Variants in DAW1 observed in about 807,000 individuals in gnomAD.
DAW1 encodes the protein dynein assembly factor with WD repeat domains 1.
A neutral mutation model predicts 56.5 loss-of-function variants in DAW1; 47 were observed. The observed-to-expected ratio is 0.83, with a 90% CI of 0.66 to 1.06. The LOEUF (loss-of-function observed/expected upper bound fraction) is 1.06. Among genes scored for constraint, DAW1 ranks in the 50% least tolerant of loss-of-function variants. The probability of loss-of-function intolerance (pLI) is 0.00; values close to 1 mark genes in which losing one functional copy is unlikely to be tolerated. For synonymous variants in DAW1, 190 were observed against 179.0 expected (o/e 1.06, Z -0.49); for missense variants, 505 against 499.3 (o/e 1.01, Z -0.11).
chr2:227,909,950 C>T (rs1219261408), intron 10 of DAW1, among the ~76,000 whole-genome samples: 2 of 152,138 alleles, frequency 1.3e-5, no homozygotes, highest in Non-Finnish European at 2.9e-5. Context: ...TAAAATTAAC[C>T]ATCACAATGC....
At chr2:227,896,100 T>C (rs766090639) in intron 5 of DAW1, among the ~76,000 whole-genome samples, 7 of 152,236 alleles carry the variant, frequency 4.6e-5, no homozygotes, top group Non-Finnish European at 1.0e-4. Flanking sequence ...CCAACTTAAA[T>C]TGGTACATTA....
At chr2:227,903,294 G>A (rs1691593953) in intron 7 of DAW1, among the ~76,000 whole-genome samples, 185 bp downstream of exon 7, 1 of 152,124 alleles carries the variant, frequency 6.6e-6, no homozygotes, top group Non-Finnish European at 1.5e-5. Context: ...GGAAGTCCAA[G>A]GAGCTTTTTA....
rs561002041 is a variant in DAW1, at chr2:227,900,662, A to G, written c.541-2340A>G. Among the ~76,000 whole-genome samples the G allele has an allele frequency of 2.6e-4, 40 of 152,310 alleles. No individual in the cohort carries two copies. In the South Asian group the frequency reaches 7.9e-3, roughly 30 times the overall value. On this transcript the variant is annotated intron_variant, in intron 6 of 12. Coordinates refer to ENST00000309931, the MANE Select transcript of DAW1 (RefSeq NM_178821.3). ...GGAAAATGCTGAGAAGAGGCATGCA[A>G]CAGTGATGTGTGCCTGAAACTCAGG...
chr2:227,910,209 C>T (rs537925979), intron 10 of DAW1, among the ~76,000 whole-genome samples: 46 of 151,988 alleles, frequency 3.0e-4, no homozygotes, highest in East Asian at 3.9e-4. Flanking sequence ...TTCAACACTT[C>T]GGGAGGCCAA....
At chr2:227,897,528 G>A (rs1204060623) in intron 5 of DAW1, among the ~76,000 whole-genome samples, 3 of 152,174 alleles carry the variant, frequency 2.0e-5, no homozygotes, top group Non-Finnish European at 4.4e-5. Context: ...GTAAGCCAGG[G>A]TTAAAAGAAA....
chr2:227,894,090 C>T (rs1691349290), intron 5 of DAW1, among the ~76,000 whole-genome samples, 173 bp downstream of exon 5: 1 of 152,034 alleles, frequency 6.6e-6, no homozygotes, highest in Non-Finnish European at 1.5e-5. Flanking sequence ...GGTTAGCTAT[C>T]ACTATCCGCA....
At position 227,904,885 on chromosome 2, in the gene DAW1, G is replaced by T. The variant is rs749483773; in HGVS notation, c.649-44G>T. The stretch of plus-strand genomic sequence containing the variant: ...ATGATATTGTACGCTTGCAGAAATT[G>T]TTTTATCTGCAGGTATACTTGACAG... On this transcript the variant is annotated intron_variant, in intron 7 of 12. Transcript: ENST00000309931. 5.6e-5 allele frequency: 86 copies of T among 1,523,914 alleles called. 2 individuals carry two copies. The South Asian group carries it at 7.9e-4, about 14-fold the overall frequency. The allele number at this position is 1,523,914 out of a possible 1,614,324, so 94.4% of individuals were successfully genotyped here. A position where few individuals can be genotyped will look rare whatever the true frequency, so the allele number is the denominator to read the frequency against.
chr2:227,894,070 A>G (rs776647625), intron 5 of DAW1, among the ~76,000 whole-genome samples, 153 bp downstream of exon 5: 6 of 152,040 alleles, frequency 3.9e-5, no homozygotes, highest in Non-Finnish European at 7.4e-5. Context: ...AAAGCTTAAA[A>G]GGGTCTTTGG....
chr2:227,901,418 G>A (rs1358928807), intron 6 of DAW1, among the ~76,000 whole-genome samples: 2 of 152,182 alleles, frequency 1.3e-5, no homozygotes, highest in East Asian at 1.9e-4. Flanking sequence ...CTGGAACTGA[G>A]CAGTGAGGTC....
At chr2:227,906,450 T>A in intron 9 of DAW1, 112 bp downstream of exon 9, 1 of 783,452 alleles carries the variant, frequency 1.3e-6, no homozygotes. Context: ...ATTAAGATAT[T>A]AATTTACAAA....
At position 227,922,722 on chromosome 2, in the gene DAW1, C is replaced by T. The variant is rs777876608; in HGVS notation, c.1213+1161C>T. ...CCTCCCCAGTCTACTTAATGATGGA[C>T]AGTTTCCGAAATCACAGGGCTTACG... is the stretch of plus-strand genomic sequence containing the variant. On this transcript the variant is annotated intron_variant, in intron 12 of 12. Coordinates refer to ENST00000309931, the MANE Select transcript of DAW1 (RefSeq NM_178821.3). Among the ~76,000 whole-genome samples the T allele has an allele frequency of 2.6e-5, 4 of 152,172 alleles. No individual in the cohort carries two copies. The East Asian group carries it at 7.7e-4, about 29-fold the overall frequency.
At chr2:227,921,343 A>G (rs1692104671) in intron 11 of DAW1, 56 bp from the exon 12 acceptor site, 2 of 457,762 alleles carry the variant, frequency 4.4e-6, no homozygotes, top group East Asian at 5.8e-5. Flanking sequence ...TGCTGATAAG[A>G]AATGTTTTGG....
chr2:227,923,710 G>A (rs1692160191), intron 12 of DAW1, among the ~76,000 whole-genome samples: 1 of 151,770 alleles, frequency 6.6e-6, no homozygotes. Flanking sequence ...TAAGCAGGAT[G>A]CGTACCTGCT....
chr2:227,883,878 T>TA lies in DAW1; in HGVS notation c.41-1467dup, dbSNP rs141842641. 1.6e-3 allele frequency among the ~76,000 whole-genome samples: 237 copies of TA among 152,322 alleles called. 1 individual carries two copies. The highest frequency in any genetic ancestry group is 5.4e-3 in the African/African-American group (224 of 41,584). On this transcript the variant is annotated intron_variant, in intron 1 of 12. Coordinates refer to ENST00000309931, the MANE Select transcript of DAW1 (RefSeq NM_178821.3). The stretch of plus-strand genomic sequence containing the variant: ...GTTTTAAAACAACTTAATAAATATT[T>TA]AAAAAATTTCTCAATTTTAGTTTTT...
intron 8 of DAW1, among the ~76,000 whole-genome samples, chr2:227,905,420 C>G (rs553671157): frequency 1.3e-5 from 2 of 152,108 alleles, no homozygotes; most frequent in East Asian, 3.9e-4. Context: ...AATTTCCTTC[C>G]TAATGATTTT....
rs1031043031 is a variant in DAW1, at chr2:227,900,686, G to A, written c.541-2316G>A. Among the ~76,000 whole-genome samples the A allele has an allele frequency of 3.3e-5, 5 of 152,186 alleles. 1 individual carries two copies. The highest frequency in any genetic ancestry group is 7.3e-5 in the Non-Finnish European group (5 of 68,032). On this transcript the variant is annotated intron_variant, in intron 6 of 12. Coordinates refer to ENST00000309931, the MANE Select transcript of DAW1 (RefSeq NM_178821.3). ...AACAGTGATGTGTGCCTGAAACTCA[G>A]GTGGCTCTGTGTGATCAGAGCAGAG...
In DAW1 at chr2:227,890,049, G is replaced by T. The variant is rs370346483; in HGVS notation, c.258+49G>T. The T allele has an allele frequency of 4.3e-5, 62 of 1,445,458 alleles. No homozygotes were observed. In the African/African-American group the frequency reaches 8.2e-4, roughly 19 times the overall value. The allele number at this position is 1,445,458 out of a possible 1,614,324, so 89.5% of individuals were successfully genotyped here. ...ATAGAAGAATTTCAGTGAAATGATT[G>T]ATATTTTATTAATTTTTCTTTCCCT... On this transcript the variant is annotated intron_variant, in intron 3 of 12. Transcript: ENST00000309931.
At chr2:227,903,496 T>C (rs1691599731) in intron 7 of DAW1, among the ~76,000 whole-genome samples, 3 of 152,204 alleles carry the variant, frequency 2.0e-5, no homozygotes, top group African/African-American at 7.2e-5. Context: ...TCAGCCATCC[T>C]GTATCACAAA....
At chr2:227,915,176 C>T (rs189065555) in intron 10 of DAW1, among the ~76,000 whole-genome samples, 1 of 152,122 alleles carries the variant, frequency 6.6e-6, no homozygotes, top group East Asian at 1.9e-4. Flanking sequence ...ATATATGATG[C>T]TCTGCTTTTA....
Sources: allele counts gnomAD v4.1 joint callset (sites outside exome capture counted in the v4.1 genomes callset), GRCh38; gene constraint gnomAD v4.1.1; transcripts MANE v1.5; gene names NCBI Gene and HGNC (gene_info 2026-07-23, HGNC 2026-07-21).